The following FANCB variants were observed in gnomAD, a reference collection of about 807,000 sequenced individuals.
FANCB encodes Fanconi anemia group B protein.
In FANCB, 5 loss-of-function variants were observed where a neutral mutation model predicts 38.9. The ratio of observed to expected loss-of-function variants is 0.13; its 90% CI spans 0.07 to 0.27. The LOEUF (loss-of-function observed/expected upper bound fraction) is 0.27. Among genes scored for constraint, FANCB ranks in the 10% least tolerant of loss-of-function variants. The pLI is 1.00. For missense variants in FANCB, 573 were observed against 602.7 expected, an observed-to-expected ratio of 0.95 and a Z score of 0.52; for synonymous variants, 236 against 215.4, an observed-to-expected ratio of 1.10 and a Z score of -0.84.
At chrX:14,858,007 T>C (rs999488499) in intron 4 of FANCB, 53 bp from the exon 5 acceptor site, 2 of 793,080 alleles carry the variant, frequency 2.5e-6, no homozygotes, top group Non-Finnish European at 3.8e-6. Context: ...TTGCAACAAT[T>C]GAAAATTCAC....
At chrX:14,781,872 T>TA in the FANCB span, among the ~76,000 whole-genome samples, 1 of 112,077 alleles carries the variant, frequency 8.9e-6, no homozygotes, top group Non-Finnish European at 1.9e-5. Flanking sequence ...GCTATAAAGT[T>TA]AAAAACTCAG....
the FANCB span, among the ~76,000 whole-genome samples, chrX:14,746,027 C>T: frequency 9.0e-6 from 1 of 111,351 alleles, no homozygotes; most frequent in Non-Finnish European, 1.9e-5. Context: ...AAGAAATAGC[C>T]CTAACAACAA....
chrX:14,810,328 C>T, the FANCB span, among the ~76,000 whole-genome samples: 21 of 112,152 alleles, frequency 1.9e-4, no homozygotes, highest in African/African-American at 6.1e-4. Flanking sequence ...ATGACTTTGA[C>T]GAGTTGAGAG....
chrX:14,851,873 A>G (rs1359328485), intron 6 of FANCB, among the ~76,000 whole-genome samples: 1 of 111,864 alleles, frequency 8.9e-6, no homozygotes, highest in Non-Finnish European at 1.9e-5. Flanking sequence ...TAACAAGATC[A>G]TATTTTGGAC....
At chrX:14,707,094 AAT>A in the FANCB span, among the ~76,000 whole-genome samples, 1 of 111,801 alleles carries the variant, frequency 8.9e-6, no homozygotes, top group East Asian at 2.8e-4. Flanking sequence ...CTATCCTGTC[AAT>A]ATGTTTCATT....
the FANCB span, among the ~76,000 whole-genome samples, chrX:14,815,975 A>T: frequency 2.0e-4 from 22 of 112,289 alleles, no homozygotes; most frequent in East Asian, 5.9e-3. Flanking sequence ...ACATATGGAC[A>T]TAAAGTGTAG....
At chrX:14,813,253 C>T in the FANCB span, among the ~76,000 whole-genome samples, 2 of 106,078 alleles carry the variant, frequency 1.9e-5, no homozygotes, top group Non-Finnish European at 3.9e-5. Context: ...TGAAAACTGG[C>T]ACAAGACAGG....
At chrX:14,700,629 G>A in the FANCB span, among the ~76,000 whole-genome samples, 20 of 111,716 alleles carry the variant, frequency 1.8e-4, no homozygotes, top group Admixed American at 1.9e-3. Flanking sequence ...ACAACAGCAG[G>A]CTCAGTGGAG....
chrX:14,709,188 C>T, the FANCB span, among the ~76,000 whole-genome samples: 3 of 110,833 alleles, frequency 2.7e-5, no homozygotes, highest in Admixed American at 9.6e-5. Context: ...GAGCTATGAT[C>T]ACGGCACTGC....
At chrX:14,791,477 T>C in the FANCB span, among the ~76,000 whole-genome samples, 1 of 111,831 alleles carries the variant, frequency 8.9e-6, no homozygotes, top group Non-Finnish European at 1.9e-5. Flanking sequence ...CTGGTGATGA[T>C]AAATTGCTGC....
chrX:14,727,391 GA>G, the FANCB span, among the ~76,000 whole-genome samples: 2 of 112,045 alleles, frequency 1.8e-5, no homozygotes, highest in South Asian at 7.4e-4. Context: ...GCACAGAACA[GA>G]AATATCCAAA....
the FANCB span, chrX:14,730,291 G>A: frequency 8.3e-7 from 1 of 1,208,171 alleles, no homozygotes; most frequent in Non-Finnish European, 1.1e-6. Flanking sequence ...TGGAACAGCT[G>A]TCAAGGCCAC....
the FANCB span, among the ~76,000 whole-genome samples, chrX:14,763,570 TG>T: frequency 2.7e-5 from 3 of 112,110 alleles, no homozygotes; most frequent in Middle Eastern, 4.6e-3. Context: ...CTCTGCTTCT[TG>T]ATCTGTATAG....
the FANCB span, among the ~76,000 whole-genome samples, chrX:14,759,802 GAA>G: frequency 5.2e-5 from 5 of 96,226 alleles, no homozygotes; most frequent in African/African-American, 7.5e-5. Context: ...AAACACAATG[GAA>G]AAAAAAAAAA....
the FANCB span, chrX:14,690,700 T>C: frequency 8.8e-7 from 1 of 1,139,107 alleles, no homozygotes; most frequent in Non-Finnish European, 1.2e-6. Context: ...TGTCTCTCTC[T>C]CTCTCTCAGG....
At position 14,844,884 on chromosome X, in the gene FANCB, T is replaced by C. The variant is rs1232908863; in HGVS notation, c.1899A>G (p.Leu633=). 4 of 1,203,723 alleles carry C rather than the reference T, an allele frequency of 3.3e-6. No individual in the cohort carries two copies. Among genetic ancestry groups the C allele is most frequent in the Admixed American group, 2.2e-5 (1 of 44,862 alleles). ...TAGGTTTCTTCTTTGGAAATGTCAG[T>C]AGGTACTTCCCAGTTGAAAGATCTT... The part of the protein sequence containing the change: ...SLEDLSTGKY[L]LTFPKKKPIE... Residue 633 remains leucine, a synonymous_variant, in exon 8 of 10, where the codon CTA becomes CTG. Transcript: ENST00000650831.
the FANCB span, among the ~76,000 whole-genome samples, chrX:14,720,092 A>G: frequency 1.8e-5 from 2 of 111,735 alleles, no homozygotes; most frequent in Non-Finnish European, 3.8e-5. Context: ...ACAGAAGTAC[A>G]GCTACATAAG....
At chrX:14,825,045 C>A in the FANCB span, among the ~76,000 whole-genome samples, 1 of 111,683 alleles carries the variant, frequency 9.0e-6, no homozygotes, top group South Asian at 3.7e-4. Context: ...ATATTAATAC[C>A]ACTGCATTTG....
In FANCB at chrX:14,864,854, A is replaced by G; in HGVS notation, c.657T>C (p.Ser219=). The change falls in exon 3 of 10, where the codon AGT becomes AGC. Residue 219 remains serine (S), a synonymous_variant. Transcript: ENST00000650831. ...TGTATATATCACTTAATACTTCTTG[A>G]CTTTCAAGAGAATATACACAAAATT... The part of the protein sequence containing the change: ...NTKFCVYSLE[S]QEVLSDIYII... The G allele has an allele frequency of 1.7e-6, 2 of 1,210,397 alleles. No homozygotes were observed. Among genetic ancestry groups the G allele is most frequent in the Non-Finnish European group, 2.2e-6 (2 of 894,089 alleles).
Sources: gnomAD v4.1 joint callset for allele counts (sites outside exome capture counted in the v4.1 genomes callset) on GRCh38, gnomAD v4.1.1 for gene constraint, MANE v1.5 for transcripts, NCBI Gene and HGNC (gene_info 2026-07-23, HGNC 2026-07-21) for gene names.